Variants in USP50 observed in about 807,000 individuals in gnomAD.
USP50 encodes ubiquitin carboxyl-terminal hydrolase 50.
Under a neutral mutation model 39.2 loss-of-function variants are expected in USP50, and 37 were observed. The observed-to-expected ratio is 0.94, with a 90% CI of 0.73 to 1.24. The LOEUF (loss-of-function observed/expected upper bound fraction) is 1.24. USP50 is among the 50% of genes most tolerant of loss of function. USP50 has a pLI of 0.00. For missense variants in USP50, 374 were observed against 398.2 expected (o/e 0.94, Z 0.52); for synonymous variants, 139 against 144.5 (o/e 0.96, Z 0.27).
At chr15:50,496,627 A>G (rs1221674100), downstream of USP50, among the ~76,000 whole-genome samples, 2 of 152,072 alleles carry the variant, frequency 1.3e-5, no homozygotes, top group African/African-American at 4.8e-5. Flanking sequence ...CAGGATTGTT[A>G]GTATGTTTTT....
At position 50,529,735 on chromosome 15, in the gene USP50, A is replaced by G. The variant is rs879164968; in HGVS notation, c.936+62T>C. 1.0e-5 allele frequency: 16 copies of G among 1,558,204 alleles called. No homozygotes were observed. The South Asian group carries it at 1.8e-4, about 18-fold the overall frequency. ...GAGAGACAGGAGAAATAGGGATTCA[A>G]GCAGATAATTCTGGAGTTTTCTTTA... On this transcript the variant is annotated intron_variant, in intron 6 of 6. Transcript: ENST00000532404.
intron 6 of USP50, chr15:50,510,115 T>C (rs1466485992): frequency 1.3e-5 from 2 of 152,170 alleles, no homozygotes; most frequent in African/African-American, 2.4e-5. Context: ...TGTGAACAAA[T>C]TGACCAACAG....
chr15:50,532,463 A>C (rs1433461630), intron 5 of USP50, among the ~76,000 whole-genome samples: 1 of 152,098 alleles, frequency 6.6e-6, no homozygotes. Flanking sequence ...CTGGAGGCTG[A>C]AGTTCATTAA....
intron 6 of USP50, chr15:50,510,069 A>T (rs1343518027): frequency 6.6e-6 from 1 of 152,118 alleles, no homozygotes; most frequent in Non-Finnish European, 1.5e-5. Flanking sequence ...TTAATATTTT[A>T]TAGCTATAAT....
chr15:50,541,483 A>G (rs1365302070), intron 3 of USP50, among the ~76,000 whole-genome samples: 3 of 152,124 alleles, frequency 2.0e-5, no homozygotes, highest in Admixed American at 1.3e-4. Flanking sequence ...ACTGCACTCC[A>G]GCCTGGGTGA....
intron 5 of USP50, among the ~76,000 whole-genome samples, chr15:50,532,545 G>C (rs2052949489): frequency 6.6e-6 from 1 of 151,968 alleles, no homozygotes; most frequent in Non-Finnish European, 1.5e-5. Flanking sequence ...CATCATTAAG[G>C]TCTATTTAAG....
At chr15:50,500,512 G>A, downstream of USP50, 2 of 369,150 alleles carry the variant, frequency 5.4e-6, no homozygotes, top group Non-Finnish European at 1.0e-5. Flanking sequence ...ATCTTAAGAT[G>A]AAAGGTTGTA....
chr15:50,523,743 C>T (rs1596012931), intron 6 of USP50, among the ~76,000 whole-genome samples: 1 of 152,078 alleles, frequency 6.6e-6, no homozygotes. Flanking sequence ...CAATCCCTAT[C>T]AAAATTCCAA....
intron 6 of USP50, among the ~76,000 whole-genome samples, chr15:50,519,847 T>C (rs1470530690): frequency 6.6e-6 from 1 of 152,138 alleles, no homozygotes; most frequent in African/African-American, 2.4e-5. Context: ...TGTAAATTAG[T>C]ACAACCGTTA....
chr15:50,532,064 A>T (rs1566909594), intron 5 of USP50: 1 of 455,410 alleles, frequency 2.2e-6, no homozygotes, highest in Non-Finnish European at 4.4e-6. Context: ...CTGCGTAGGA[A>T]AACCTGAACT....
rs554274066 is a variant in USP50 at position 50,526,608 on chromosome 15, C to T, written c.936+3189G>A. Among the ~76,000 whole-genome samples, 32 of 152,348 alleles carry T rather than the reference C, an allele frequency of 2.1e-4. No individual in the cohort carries two copies. The South Asian group carries it at 6.2e-3, about 30-fold the overall frequency. On this transcript the variant is annotated intron_variant, in intron 6 of 6. Transcript: ENST00000532404. ...ACAAGCATGTGTTAACTGTAAGCCA[C>T]ATACATATTGCTATCACTGCTTCAG... is the stretch of plus-strand genomic sequence containing the variant.
At chr15:50,527,177 C>T (rs1369138646) in intron 6 of USP50, among the ~76,000 whole-genome samples, 3 of 152,122 alleles carry the variant, frequency 2.0e-5, no homozygotes, top group African/African-American at 7.2e-5. Flanking sequence ...GATTCTAAGC[C>T]AATGAGCCTG....
chr15:50,517,190 G>A (rs2052810337), intron 6 of USP50, among the ~76,000 whole-genome samples: 1 of 152,172 alleles, frequency 6.6e-6, no homozygotes, highest in Admixed American at 6.5e-5. Context: ...GTAAGCGGAG[G>A]CCAGGTGTGG....
At chr15:50,517,186 G>C (rs1049810049) in intron 6 of USP50, among the ~76,000 whole-genome samples, 2 of 152,206 alleles carry the variant, frequency 1.3e-5, no homozygotes, top group Middle Eastern at 3.4e-3. Context: ...AAATGTAAGC[G>C]GAGGCCAGGT....
chr15:50,512,859 T>C (rs2052755371), intron 6 of USP50: 1 of 152,142 alleles, frequency 6.6e-6, no homozygotes, highest in South Asian at 2.1e-4. Flanking sequence ...CTGTGGTATG[T>C]GAACTATCTC....
chr15:50,530,949 T>G (rs938990739), intron 5 of USP50, among the ~76,000 whole-genome samples: 1 of 152,212 alleles, frequency 6.6e-6, no homozygotes, highest in South Asian at 2.1e-4. Context: ...TTGTTTGTTT[T>G]TTTTTAATGT....
At chr15:50,501,911 C>T (rs1002477646) in intron 6 of USP50, 9 of 152,058 alleles carry the variant, frequency 5.9e-5, no homozygotes, top group Admixed American at 5.9e-4. Flanking sequence ...ATGTCAATGT[C>T]CTTAAAGTTT....
Position 50,546,658 on chromosome 15 carries a change from C to T in USP50, c.-133G>A, listed in dbSNP as rs1179691525. 15 of 922,580 alleles carry T rather than the reference C, an allele frequency of 1.6e-5. No homozygotes were observed. In the African/African-American group the frequency reaches 1.8e-4, roughly 11 times the overall value. 57.1% of individuals were successfully genotyped at this position (922,580 alleles called of 1,614,324 possible). A position where few individuals can be genotyped will look rare whatever the true frequency, so the allele number is the denominator to read the frequency against. On this transcript the variant is annotated 5_prime_UTR_variant, in exon 1 of 7. Transcript: ENST00000532404. ...GATATGCTCCTCTCTCTTCCAGTAG[C>T]TGCGAACTGATTTTCACCTGTATCA...
chr15:50,498,528 T>G (rs915727916), downstream of USP50: 7 of 1,476,488 alleles, frequency 4.7e-6, no homozygotes, highest in African/African-American at 9.9e-5. Flanking sequence ...AAAATCTAGA[T>G]GTTAATGAAT....
Sources: allele counts gnomAD v4.1 joint callset (sites outside exome capture counted in the v4.1 genomes callset), GRCh38; gene constraint gnomAD v4.1.1; transcripts MANE v1.5; gene names NCBI Gene and HGNC (gene_info 2026-07-23, HGNC 2026-07-21).